EFHB: variants seen among roughly 807,000 people sequenced by gnomAD.
EFHB encodes EF-hand domain-containing family member B.
In EFHB, 91 loss-of-function variants were observed where a neutral mutation model predicts 87.2. The ratio of observed to expected loss-of-function variants is 1.04; its 90% CI spans 0.88 to 1.24. The LOEUF (loss-of-function observed/expected upper bound fraction) is 1.24. Among genes scored for constraint, EFHB ranks in the 50% most tolerant of loss-of-function variants. The probability of loss-of-function intolerance (pLI) is 0.00; values close to 1 mark genes in which losing one functional copy is unlikely to be tolerated. For missense variants in EFHB, 1,084 were observed against 998.8 expected (o/e 1.09, Z -1.15); for synonymous variants, 325 against 333.6 (o/e 0.97, Z 0.28).
At position 19,933,335 on chromosome 3, in the gene EFHB, T is replaced by C; in HGVS notation, c.684A>G (p.Glu228=). Residue 228 remains glutamate, a synonymous_variant, in exon 1 of 13, where the codon GAA becomes GAG. Coordinates refer to ENST00000295824, the MANE Select transcript of EFHB (RefSeq NM_144715.4). ...PPQCQFAQQH[E]QRKEAGNIES... ...CAATGTTTCCAGCCTCCTTTCTCTG[T>C]TCATGTTGTTGGGCAAACTGGCATT... 1 of 1,613,956 alleles carries C rather than the reference T, an allele frequency of 6.2e-7. No homozygotes were observed. Among genetic ancestry groups the C allele is most frequent in the Non-Finnish European group, 8.5e-7 (1 of 1,179,882 alleles).
intron 3 of EFHB, among the ~76,000 whole-genome samples, chr3:19,919,189 C>CTTT (rs201821902): frequency 1.3e-5 from 2 of 150,708 alleles, no homozygotes; most frequent in African/African-American, 2.4e-5. Context: ...CCAAGACAGT[C>CTTT]TTTTTTTGTT....
chr3:19,881,279 C>T (rs537094350), intron 12 of EFHB, among the ~76,000 whole-genome samples: 137 of 152,324 alleles, frequency 9.0e-4, no homozygotes, highest in African/African-American at 3.2e-3. Context: ...TCCTTCCCCA[C>T]TCCTTGGAGG....
In EFHB at chr3:19,882,044, TAAATAAATAAA is replaced by T. The variant is rs1559441290; in HGVS notation, c.2328+495_2328+505del. On this transcript the variant is annotated intron_variant, in intron 12 of 12. Transcript: ENST00000295824. ...ATAAATAAATAAATAAATAAATAAA[TAAATAAATAAA>T]TAAATAATTAAATAAGACAGATGTA... 9.8e-3 allele frequency among the ~76,000 whole-genome samples: 1,406 copies of T among 143,020 alleles called. 25 individuals carry two copies. Among genetic ancestry groups the T allele is most frequent in the African/African-American group, 0.037 (1,318 of 36,068 alleles). 93.8% of individuals were successfully genotyped at this position (143,020 alleles called of 152,430 possible). A position where few individuals can be genotyped will look rare whatever the true frequency, so the allele number is the denominator to read the frequency against.
chr3:19,940,477 A>G, intron 1 of EFHB: 1 of 502,084 alleles, frequency 2.0e-6, no homozygotes, highest in Non-Finnish European at 4.0e-6. Flanking sequence ...CCTGACAAGA[A>G]TCTTCTGTTT....
chr3:19,906,394 T>A (rs1369556771), intron 5 of EFHB, among the ~76,000 whole-genome samples: 4 of 151,868 alleles, frequency 2.6e-5, no homozygotes, highest in African/African-American at 9.7e-5. Flanking sequence ...CACATAAAAG[T>A]CCATGGCATT....
chr3:19,919,972 A>G lies in EFHB; in HGVS notation c.857T>C (p.Ile286Thr). The G allele has an allele frequency of 1.2e-6, 2 of 1,613,682 alleles. No homozygotes were observed. The highest frequency in any genetic ancestry group is 1.7e-6 in the Non-Finnish European group (2 of 1,179,748). ...ATACTTTTTTGCTTCAGGTGGAGTA[A>G]TTAGCTACAAAGAGTGAGGCAAGAA... The part of the protein sequence containing the change: ...TCLTEKLPRL[I>T]TPPEAKKYFN... The change falls in exon 3 of 13, where the codon ATT (isoleucine) becomes ACT (threonine). Residue 286 changes from isoleucine to threonine, a missense_variant. Physicochemically the swap from Ile to Thr is moderately conservative, Grantham distance 89 (BLOSUM62 -1). Coordinates refer to ENST00000295824, the MANE Select transcript of EFHB (RefSeq NM_144715.4).
upstream of EFHB, among the ~76,000 whole-genome samples, chr3:19,939,191 T>C (rs957557541): frequency 3.3e-5 from 5 of 151,572 alleles, no homozygotes; most frequent in African/African-American, 1.2e-4. Context: ...CATGCACGAG[T>C]CAACATGCCC....
intron 6 of EFHB, among the ~76,000 whole-genome samples, chr3:19,903,571 ATAAT>A (rs1178012199): frequency 2.0e-5 from 3 of 152,058 alleles, no homozygotes; most frequent in African/African-American, 7.2e-5. Context: ...TTTAATAATA[ATAAT>A]TAAGAAATAT....
intron 10 of EFHB, among the ~76,000 whole-genome samples, chr3:19,884,848 A>T (rs1042424275): frequency 6.6e-6 from 1 of 151,026 alleles, no homozygotes; most frequent in African/African-American, 2.4e-5. Flanking sequence ...CACTCACTTT[A>T]TTCTAGAATA....
chr3:19,917,718 T>A (rs1695281657), intron 4 of EFHB, among the ~76,000 whole-genome samples: 1 of 152,186 alleles, frequency 6.6e-6, no homozygotes. Context: ...CTCTACTCCC[T>A]CTCAAAATCA....
chr3:19,915,688 G>C (rs1242916761), intron 4 of EFHB, among the ~76,000 whole-genome samples: 1 of 151,778 alleles, frequency 6.6e-6, no homozygotes, highest in Non-Finnish European at 1.5e-5. Flanking sequence ...GGGAGGCCAA[G>C]GAGGGTGGAT....
chr3:19,938,666 A>C (rs1185348917), upstream of EFHB, among the ~76,000 whole-genome samples: 1 of 152,206 alleles, frequency 6.6e-6, no homozygotes, highest in African/African-American at 2.4e-5. Flanking sequence ...ATTACATCTT[A>C]ACTGGAATCT....
At chr3:19,929,247 C>G (rs1039508559) in intron 1 of EFHB, among the ~76,000 whole-genome samples, 2 of 150,980 alleles carry the variant, frequency 1.3e-5, no homozygotes, top group African/African-American at 4.9e-5. Context: ...CTATGTTGCC[C>G]AGGTTGATCT....
Position 19,933,712 on chromosome 3 carries a change from A to G in EFHB, c.307T>C (p.Ser103Pro), listed in dbSNP as rs1695918190. Residue 103 changes from serine to proline, a missense_variant, in exon 1 of 13, where the codon TCT becomes CCT. By Grantham distance (74) the Ser-to-Pro change is moderately conservative (BLOSUM62 -1). Coordinates refer to ENST00000295824, the MANE Select transcript of EFHB (RefSeq NM_144715.4). ...SVSASQGTKPSLLPGRMGLEN... is the reference protein window; with the variant it reads ...SVSASQGTKPPLLPGRMGLEN... ...AACCCCATTCTTCCTGGCAACAGAG[A>G]AGGTTTTGTTCCCTGTGAAGCTGAG... is the stretch of plus-strand genomic sequence containing the variant. 9 of 1,613,774 alleles carry G rather than the reference A, an allele frequency of 5.6e-6. No homozygotes were observed. The highest frequency in any genetic ancestry group is 7.6e-6 in the Non-Finnish European group (9 of 1,179,734).
At position 19,884,634 on chromosome 3, in the gene EFHB, A is replaced by G; in HGVS notation, c.1934-19T>C. ...TTTCTACCTTTAAGGAAAATAAATG[A>G]AAGAAAAAATGCAGGAATACATTAC... On this transcript the variant is annotated intron_variant, in intron 10 of 12. Coordinates refer to ENST00000295824, the MANE Select transcript of EFHB (RefSeq NM_144715.4). 1 of 1,606,248 alleles carries G rather than the reference A, an allele frequency of 6.2e-7. No individual in the cohort carries two copies. The highest frequency in any genetic ancestry group is 8.5e-7 in the Non-Finnish European group (1 of 1,176,030).
intron 1 of EFHB, 84 bp from the exon 2 acceptor site, chr3:19,920,651 A>T: frequency 8.9e-7 from 1 of 1,120,802 alleles, no homozygotes; most frequent in African/African-American, 1.6e-5. Context: ...AACTTGTCCT[A>T]TGCCTCTGAG....
chr3:19,926,793 T>C (rs1215846159), intron 1 of EFHB, among the ~76,000 whole-genome samples: 2 of 152,078 alleles, frequency 1.3e-5, no homozygotes, highest in African/African-American at 4.8e-5. Flanking sequence ...CCTGAGTAGC[T>C]GGGATTACAG....
chr3:19,899,930 G>A (rs995420778), intron 6 of EFHB, among the ~76,000 whole-genome samples: 65 of 152,048 alleles, frequency 4.3e-4, no homozygotes, highest in African/African-American at 1.5e-3. Flanking sequence ...AAAACTAGCT[G>A]GGCGTGGTGG....
chr3:19,883,931 CTG>C (rs2071745799), intron 11 of EFHB, among the ~76,000 whole-genome samples: 1 of 152,204 alleles, frequency 6.6e-6, no homozygotes, highest in South Asian at 2.1e-4. Context: ...GCCTCCAGAA[CTG>C]TGAGACAATA....
Sources: allele counts gnomAD v4.1 joint callset (sites outside exome capture counted in the v4.1 genomes callset), GRCh38; gene constraint gnomAD v4.1.1; transcripts MANE v1.5; gene names NCBI Gene and HGNC (gene_info 2026-07-23, HGNC 2026-07-21).